UNC13A: variants seen among roughly 807,000 people sequenced by gnomAD.
UNC13A encodes protein unc-13 homolog A.
UNC13A carries 61 observed loss-of-function variants against 219.7 expected under a neutral mutation model. That is an observed-to-expected ratio of 0.28 (90% CI 0.23 to 0.34). The LOEUF (loss-of-function observed/expected upper bound fraction) is 0.34, where lower values mean the gene tolerates loss of function less well. UNC13A is among the 10% of genes least tolerant of loss of function. The pLI, the probability that UNC13A is intolerant of heterozygous loss-of-function variation, is 1.00. For missense variants in UNC13A, 1,476 were observed against 2,270.3 expected, an observed-to-expected ratio of 0.65 and a Z score of 7.11; for synonymous variants, 920 against 884.6, an observed-to-expected ratio of 1.04 and a Z score of -0.71.
At chr19:17,630,412 G>A (rs140963705) in intron 29 of UNC13A, 124 bp from the exon 30 acceptor site, 18,409 of 1,452,274 alleles carry the variant, frequency 0.013, 151 homozygotes, top group Middle Eastern at 0.021. Context: ...ATGGACAGAG[G>A]GCGAGGTAGA....
In UNC13A at chr19:17,627,447, C is replaced by G; in HGVS notation, c.3920+62G>C. ...ACATCTGCTGAGCCTCCAGATGCCCCAGGCTTAGAGGGCTGAAGGCTGTTC... is the reference window on the plus strand; with the variant it reads ...ACATCTGCTGAGCCTCCAGATGCCCGAGGCTTAGAGGGCTGAAGGCTGTTC... On this transcript the variant is annotated intron_variant, in intron 33 of 43. Transcript: ENST00000519716. This position sits in a 1 kb window ranked among gnomAD's most constrained non-coding sequence, Gnocchi z 4.7. 1 of 1,326,202 alleles carries G rather than the reference C, an allele frequency of 7.5e-7. No homozygotes were observed. The allele number at this position is 1,326,202 out of a possible 1,614,324, so 82.2% of individuals were successfully genotyped here.
At chr19:17,653,646 G>A (rs1025881837) in intron 11 of UNC13A, among the ~76,000 whole-genome samples, 3 of 151,158 alleles carry the variant, frequency 2.0e-5, no homozygotes, top group Non-Finnish European at 2.9e-5. Flanking sequence ...ACTGCATCCG[G>A]CTCTGAAATA....
intron 38 of UNC13A, among the ~76,000 whole-genome samples, chr19:17,619,712 C>T (rs7253681): frequency 0.015 from 2,320 of 152,198 alleles, 71 homozygotes; most frequent in African/African-American, 0.052. Flanking sequence ...GGATTACAGG[C>T]GTGAGCCACA....
At chr19:17,616,605 G>C in intron 41 of UNC13A, 1 of 515,386 alleles carries the variant, frequency 1.9e-6, no homozygotes, top group Non-Finnish European at 3.5e-6. Flanking sequence ...GAGTGAGAGG[G>C]AGGAAAAACA....
chr19:17,666,601 G>A lies in UNC13A; in HGVS notation c.523+49C>T, dbSNP rs532674780. 3.6e-6 allele frequency: 5 copies of A among 1,385,248 alleles called. No homozygotes were observed. The African/African-American group carries it at 5.9e-5, about 16-fold the overall frequency. 85.8% of individuals were successfully genotyped at this position (1,385,248 alleles called of 1,614,324 possible). A position where few individuals can be genotyped will look rare whatever the true frequency, so the allele number is the denominator to read the frequency against. ...GACAGGACAGTCATGGGGTAGGGGA[G>A]GGATGAGGATTTCAGCTGATACCCA... is the stretch of plus-strand genomic sequence containing the variant. On this transcript the variant is annotated intron_variant, in intron 7 of 43. Coordinates refer to ENST00000519716, the MANE Select transcript of UNC13A (RefSeq NM_001080421.3).
Position 17,632,813 on chromosome 19 carries a change from C to T in UNC13A, c.3397G>A (p.Ala1133Thr), listed in dbSNP as rs75595663. The change falls in exon 28 of 44, where the codon GCC becomes ACC. Residue 1133 changes from alanine to threonine, a missense_variant. By Grantham distance (58) the Ala-to-Thr change is moderately conservative. Transcript: ENST00000519716. ...LYNEYVTELP[A>T]FKDRVPEYPA... The stretch of plus-strand genomic sequence containing the variant: ...TACTCAGGCACGCGGTCCTTGAAGG[C>T]GGGAAGTTCCGTCACATACTCATTG... 4.3e-6 allele frequency: 7 copies of T among 1,613,738 alleles called. No individual in the cohort carries two copies. The highest frequency in any genetic ancestry group is 2.2e-5 in the East Asian group (1 of 44,878).
intron 1 of UNC13A, among the ~76,000 whole-genome samples, chr19:17,686,932 G>T (rs2080124636): frequency 6.6e-6 from 1 of 152,042 alleles, no homozygotes; most frequent in Non-Finnish European, 1.5e-5. Context: ...GTCGCCCGAG[G>T]TCTCCCGAAG....
chr19:17,675,813 C>T (rs867832111), intron 2 of UNC13A, among the ~76,000 whole-genome samples, 199 bp downstream of exon 2: 12 of 152,130 alleles, frequency 7.9e-5, no homozygotes, highest in African/African-American at 2.9e-4. Context: ...CTGGGGAGAC[C>T]CGGGGACCCC....
At chr19:17,679,764 G>C (rs1052069452) in intron 1 of UNC13A, among the ~76,000 whole-genome samples, 1 of 151,942 alleles carries the variant, frequency 6.6e-6, no homozygotes, top group African/African-American at 2.4e-5. Flanking sequence ...GTCTTCTTTT[G>C]GTCTCTGTTC....
chr19:17,630,318 A>T, intron 29 of UNC13A, 30 bp from the exon 30 acceptor site: 1 of 1,556,062 alleles, frequency 6.4e-7, no homozygotes, highest in Non-Finnish European at 8.7e-7. Flanking sequence ...AAGAGGAAGG[A>T]GGAGATCAGC....
chr19:17,642,775 A>AGAG, intron 20 of UNC13A, 70 bp downstream of exon 20: 1 of 1,352,090 alleles, frequency 7.4e-7, no homozygotes. Context: ...GTGGCCAGAA[A>AGAG]GAGGAAGAGC....
chr19:17,635,990 C>T, intron 26 of UNC13A, 34 bp downstream of exon 26: 1 of 1,587,730 alleles, frequency 6.3e-7, no homozygotes, highest in South Asian at 1.1e-5. Flanking sequence ...CACGATGACA[C>T]CCAGATAATT....
rs1451260824 is a variant in UNC13A, at chr19:17,669,571, G to A, written c.376C>T (p.Arg126Cys). ...PTFHRILLDT[R>C]FELPLDIPEE... Reference sequence around the variant, plus strand: ...TACTCACCTAAGGGTAGCTCAAAGCGCGTGTCCAGGAGGATGCGGTGGAAG... The same window carrying A: ...TACTCACCTAAGGGTAGCTCAAAGCACGTGTCCAGGAGGATGCGGTGGAAG... The change falls in exon 5 of 44, where the codon CGC becomes TGC. Residue 126 changes from arginine to cysteine, a missense_variant. By Grantham distance (180) the Arg-to-Cys change is radical. This residue lies in a region of UNC13A where 203 missense variants were observed against 301.6 expected (regional missense o/e 0.67). Coordinates refer to ENST00000519716, the MANE Select transcript of UNC13A (RefSeq NM_001080421.3). 2.5e-6 allele frequency: 4 copies of A among 1,613,598 alleles called. No homozygotes were observed. Among genetic ancestry groups the A allele is most frequent in the South Asian group, 1.1e-5 (1 of 91,070 alleles).
intron 8 of UNC13A, among the ~76,000 whole-genome samples, chr19:17,660,751 C>T (rs1475672762): frequency 6.6e-6 from 1 of 151,690 alleles, no homozygotes; most frequent in Non-Finnish European, 1.5e-5. Flanking sequence ...AGGCTGGTCT[C>T]GAACTCCTGA....
intron 16 of UNC13A, among the ~76,000 whole-genome samples, chr19:17,648,066 C>A (rs1052141775): frequency 2.1e-5 from 3 of 143,090 alleles, no homozygotes; most frequent in African/African-American, 7.9e-5. Flanking sequence ...CCTTCCCTCT[C>A]TGAGCCCCTC....
At chr19:17,632,054 G>A (rs1599354877) in intron 28 of UNC13A, among the ~76,000 whole-genome samples, 1 of 152,172 alleles carries the variant, frequency 6.6e-6, no homozygotes, top group East Asian at 1.9e-4. Context: ...GGGATTACAG[G>A]CATCTGCCAC....
At position 17,674,390 on chromosome 19, in the gene UNC13A, G is replaced by A. The variant is rs1231522974; in HGVS notation, c.152+267C>T. On this transcript the variant is annotated intron_variant, in intron 3 of 43. Transcript: ENST00000519716. This position sits in a 1 kb window ranked among gnomAD's most constrained non-coding sequence, Gnocchi z 5.0. ...AAAAATATCCCCCTGGCTGCCTGGA[G>A]GAGAACAGATTGTAGGAGGTGGATG... Among the ~76,000 whole-genome samples, 5 of 152,218 alleles carry A rather than the reference G, an allele frequency of 3.3e-5. No individual in the cohort carries two copies. The highest frequency in any genetic ancestry group is 1.2e-4 in the African/African-American group (5 of 41,444).
chr19:17,619,147 C>G lies in UNC13A; in HGVS notation c.4273-185G>C, dbSNP rs887541579. 5 of 612,152 alleles carry G rather than the reference C, an allele frequency of 8.2e-6. No homozygotes were observed. The Admixed American group carries it at 1.4e-4, about 17-fold the overall frequency. The allele number at this position is 612,152 out of a possible 1,614,324, so 37.9% of individuals were successfully genotyped here. A position where few individuals can be genotyped will look rare whatever the true frequency, so the allele number is the denominator to read the frequency against. On this transcript the variant is annotated intron_variant, in intron 38 of 43. Transcript: ENST00000519716. Reference sequence around the variant, plus strand: ...GTGGTGACCTTGTCCCTGAAAATCCCGGTCCTGTGAGGATAGTCCCCCACC... The same window carrying G: ...GTGGTGACCTTGTCCCTGAAAATCCGGGTCCTGTGAGGATAGTCCCCCACC...
intron 7 of UNC13A, among the ~76,000 whole-genome samples, chr19:17,664,280 C>G (rs554905772): frequency 6.6e-6 from 1 of 152,246 alleles, no homozygotes; most frequent in African/African-American, 2.4e-5. Context: ...TTGAAACACC[C>G]CTGTTGGGTG....
Sources: allele counts gnomAD v4.1 joint callset (sites outside exome capture counted in the v4.1 genomes callset), GRCh38; gene constraint gnomAD v4.1.1; regional missense constraint gnomAD v4.1.1; non-coding constraint Gnocchi (gnomAD v3.1); transcripts MANE v1.5; gene names NCBI Gene and HGNC (gene_info 2026-07-23, HGNC 2026-07-21).